SHB: variants seen among roughly 807,000 people sequenced by gnomAD.
The protein encoded by SHB is SH2 domain-containing adapter protein B.
In SHB, 20 loss-of-function variants were observed where a neutral mutation model predicts 52.3. The observed-to-expected ratio is 0.38, with a 90% CI of 0.27 to 0.56. The LOEUF (loss-of-function observed/expected upper bound fraction) is 0.56, where lower values mean the gene tolerates loss of function less well. Among genes scored for constraint, SHB ranks in the 20% least tolerant of loss-of-function variants. The pLI, the probability that SHB is intolerant of heterozygous loss-of-function variation, is 0.71. For synonymous variants in SHB, 397 were observed against 316.5 expected, an observed-to-expected ratio of 1.25 and a Z score of -2.70; for missense variants, 825 against 723.3, an observed-to-expected ratio of 1.14 and a Z score of -1.61.
At chr9:37,995,930 C>T (rs935957813) in intron 2 of SHB, among the ~76,000 whole-genome samples, 1 of 152,186 alleles carries the variant, frequency 6.6e-6, no homozygotes, top group African/African-American at 2.4e-5. Flanking sequence ...AATTGGCTTA[C>T]ACCCAACAAT....
rs542106521 is a variant in SHB, at chr9:37,946,097, T to C, written c.1346+2538A>G. Among the ~76,000 whole-genome samples, 8 of 152,164 alleles carry C rather than the reference T, an allele frequency of 5.3e-5. No homozygotes were observed. The East Asian group carries it at 5.8e-4, about 11-fold the overall frequency. On this transcript the variant is annotated intron_variant, in intron 5 of 5. Transcript: ENST00000377707. ...GGGAACACTGTCTGTCAGCAGCTCA[T>C]TGCCATACGCAGTGCACAGATGAGG...
intron 1 of SHB, among the ~76,000 whole-genome samples, chr9:38,063,083 A>G (rs777205450): frequency 5.9e-5 from 9 of 152,242 alleles, no homozygotes; most frequent in Non-Finnish European, 1.2e-4. Flanking sequence ...ATCAACCAGG[A>G]AAAACTGGAT....
rs562572379 is a variant in SHB, at chr9:38,040,628, C to T, written c.718-24497G>A. 2.4e-4 allele frequency among the ~76,000 whole-genome samples: 36 copies of T among 152,110 alleles called. No individual in the cohort carries two copies. In the East Asian group the frequency reaches 6.4e-3, roughly 27 times the overall value. Reference sequence around the variant, plus strand: ...TGGGAGGGCTTCCTGGAGGAGGTGGCGGTCTTTCCTGGGCTCAGGCAGGGG... The same window carrying T: ...TGGGAGGGCTTCCTGGAGGAGGTGGTGGTCTTTCCTGGGCTCAGGCAGGGG... On this transcript the variant is annotated intron_variant, in intron 1 of 5. Transcript: ENST00000377707.
chr9:37,993,266 G>A (rs1344404029), intron 2 of SHB, among the ~76,000 whole-genome samples: 1 of 152,178 alleles, frequency 6.6e-6, no homozygotes, highest in Non-Finnish European at 1.5e-5. Flanking sequence ...TTGAATGTGT[G>A]TGCGCGTGTG....
Position 38,069,193 on chromosome 9 carries a change from C to T in SHB, c.-548G>A, listed in dbSNP as rs1822026339. ...CCGGCGCCCGCCGGAGCCCGCGCGCCCGTGCCCGTCCCGGCGGCGCCTGTC... is the reference window on the plus strand; with the variant it reads ...CCGGCGCCCGCCGGAGCCCGCGCGCTCGTGCCCGTCCCGGCGGCGCCTGTC... On this transcript the variant is annotated 5_prime_UTR_variant, in exon 1 of 6. Transcript: ENST00000377707. 6.7e-6 allele frequency: 1 copy of T among 149,882 alleles called. No homozygotes were observed. The highest frequency in any genetic ancestry group is 6.6e-5 in the Admixed American group (1 of 15,064). 9.3% of individuals were successfully genotyped at this position (149,882 alleles called of 1,614,324 possible). A position where few individuals can be genotyped will look rare whatever the true frequency, so the allele number is the denominator to read the frequency against.
chr9:38,045,859 G>A (rs1328045867), intron 1 of SHB, among the ~76,000 whole-genome samples: 1 of 152,210 alleles, frequency 6.6e-6, no homozygotes, highest in African/African-American at 2.4e-5. Context: ...CCAAGAGGGA[G>A]TGGGGTCAAA....
At chr9:37,940,066 G>A (rs1832417786) in intron 5 of SHB, among the ~76,000 whole-genome samples, 1 of 152,160 alleles carries the variant, frequency 6.6e-6, no homozygotes, top group Admixed American at 6.5e-5. Context: ...TGCAAATCAT[G>A]GTGACTAGTT....
At chr9:37,948,980 G>C (rs1832527874) in intron 4 of SHB, among the ~76,000 whole-genome samples, 1 of 152,180 alleles carries the variant, frequency 6.6e-6, no homozygotes, top group African/African-American at 2.4e-5. Context: ...CTGGTGCAGG[G>C]AGTCAGGCCA....
chr9:38,023,892 C>T (rs1023939023), intron 1 of SHB, among the ~76,000 whole-genome samples: 5 of 152,172 alleles, frequency 3.3e-5, no homozygotes, highest in Non-Finnish European at 7.3e-5. Flanking sequence ...GCCCCCTACT[C>T]GCCTCTTCCT....
chr9:37,964,124 A>C (rs1832723218), intron 3 of SHB, among the ~76,000 whole-genome samples: 1 of 152,180 alleles, frequency 6.6e-6, no homozygotes, highest in Admixed American at 6.5e-5. Context: ...TTGTATTTCC[A>C]GGATCACCAA....
intron 1 of SHB, among the ~76,000 whole-genome samples, chr9:38,062,307 C>T (rs147125715): frequency 1.5e-3 from 221 of 152,196 alleles, no homozygotes; most frequent in African/African-American, 2.8e-3. Context: ...TTTCTTTATC[C>T]GGAATATGGG....
intron 5 of SHB, 38 bp from the exon 6 acceptor site, chr9:37,920,042 T>A (rs374419217): frequency 3.9e-6 from 6 of 1,553,496 alleles, no homozygotes; most frequent in Non-Finnish European, 5.3e-6. Context: ...ACTACCCCCC[T>A]GACACTCAGG....
chr9:37,929,012 G>A (rs117612653), intron 5 of SHB, among the ~76,000 whole-genome samples: 2,594 of 152,342 alleles, frequency 0.017, 28 homozygotes, highest in Middle Eastern at 0.034. Flanking sequence ...GGGGGCCAGC[G>A]CCCTGGGGTT....
In SHB at chr9:37,919,846, T is replaced by C. The variant is rs756903574; in HGVS notation, c.1505A>G (p.Tyr502Cys). Residue 502 changes from tyrosine to cysteine, a missense_variant, in exon 6 of 6, where the codon TAT becomes TGT. Transcript: ENST00000377707. ...IKGAEHLSLL[Y>C]PVAVRTL ...TCACAGGGTCCTCACAGCCACGGGA[T>C]AGAGGAGGGACAAGTGCTCAGCCCC... 6.2e-7 allele frequency: 1 copy of C among 1,613,814 alleles called. No individual in the cohort carries two copies. The highest frequency in any genetic ancestry group is 8.5e-7 in the Non-Finnish European group (1 of 1,179,930).
At chr9:37,973,821 T>C (rs560939587) in intron 3 of SHB, among the ~76,000 whole-genome samples, 1 of 152,248 alleles carries the variant, frequency 6.6e-6, no homozygotes, top group Non-Finnish European at 1.5e-5. Flanking sequence ...GAAACTGGGA[T>C]AGAAGACACA....
intron 5 of SHB, among the ~76,000 whole-genome samples, chr9:37,920,330 CA>C (rs1290309759): frequency 6.7e-6 from 1 of 148,588 alleles, no homozygotes; most frequent in Non-Finnish European, 1.5e-5. Context: ...CAAAACAAAA[CA>C]AAACTTAGTC....
At chr9:37,960,742 G>A (rs965249061) in intron 3 of SHB, among the ~76,000 whole-genome samples, 3 of 152,132 alleles carry the variant, frequency 2.0e-5, no homozygotes, top group African/African-American at 7.2e-5. Context: ...TGTGGTCACT[G>A]CCAACAACAG....
At chr9:38,017,659 T>C (rs1056358941) in intron 1 of SHB, among the ~76,000 whole-genome samples, 4 of 152,244 alleles carry the variant, frequency 2.6e-5, no homozygotes, top group Admixed American at 6.5e-5. Context: ...GGAGCATCTA[T>C]GGCTCCCGCT....
intron 3 of SHB, among the ~76,000 whole-genome samples, chr9:37,973,529 A>AT (rs1410191421): frequency 2.0e-5 from 3 of 152,144 alleles, no homozygotes; most frequent in African/African-American, 7.2e-5. Context: ...GGCCTTCTGA[A>AT]TTTTTTATCA....
Sources: allele counts gnomAD v4.1 joint callset (sites outside exome capture counted in the v4.1 genomes callset), GRCh38; gene constraint gnomAD v4.1.1; transcripts MANE v1.5; gene names NCBI Gene and HGNC (gene_info 2026-07-23, HGNC 2026-07-21).